CEP97: variants seen among roughly 807,000 people sequenced by gnomAD.
CEP97 encodes centrosomal protein of 97 kDa.
In CEP97, 43 loss-of-function variants were observed where a neutral mutation model predicts 73.1. The observed-to-expected ratio is 0.59, with a 90% CI of 0.46 to 0.76. CEP97 has a LOEUF of 0.76. Among genes scored for constraint, CEP97 ranks in the 30% least tolerant of loss-of-function variants. The probability of loss-of-function intolerance (pLI) is 0.00; values close to 1 mark genes in which losing one functional copy is unlikely to be tolerated. For synonymous variants in CEP97, 337 were observed against 370.0 expected (o/e 0.91, Z 1.02); for missense variants, 939 against 1,014.0 (o/e 0.93, Z 1.00).
At chr3:101,738,392 A>G (rs983678770) in intron 6 of CEP97, among the ~76,000 whole-genome samples, 1 of 152,228 alleles carries the variant, frequency 6.6e-6, no homozygotes, top group African/African-American at 2.4e-5. Context: ...CAGAATATAC[A>G]TTCTTTTCAA....
Position 101,766,372 on chromosome 3 carries a change from G to A in CEP97, c.*821G>A, listed in dbSNP as rs1560024104. The A allele has an allele frequency of 6.6e-6, 1 of 152,474 alleles. No homozygotes were observed. Among genetic ancestry groups the A allele is most frequent in the Non-Finnish European group, 1.5e-5 (1 of 68,006 alleles). The allele number at this position is 152,474 out of a possible 1,614,324, so 9.4% of individuals were successfully genotyped here. ...TTTCACCCTATAGGTAAGCATTTTT[G>A]TGCCAACATGTTGTCAGAAATTAAT... is the stretch of plus-strand genomic sequence containing the variant. On this transcript the variant is annotated 3_prime_UTR_variant, in exon 11 of 11. Transcript: ENST00000341893.
intron 6 of CEP97, among the ~76,000 whole-genome samples, chr3:101,752,540 C>T (rs1049436308): frequency 6.6e-6 from 1 of 152,176 alleles, no homozygotes; most frequent in Non-Finnish European, 1.5e-5. Flanking sequence ...ACTAATCAGA[C>T]CTAGATTTGG....
At chr3:101,748,951 T>C (rs182435589) in intron 6 of CEP97, among the ~76,000 whole-genome samples, 1 of 152,298 alleles carries the variant, frequency 6.6e-6, no homozygotes, top group African/African-American at 2.4e-5. Flanking sequence ...ATGGAAGGAA[T>C]ACTTCTAATT....
chr3:101,745,027 G>A (rs1938571550), intron 6 of CEP97, among the ~76,000 whole-genome samples: 1 of 152,154 alleles, frequency 6.6e-6, no homozygotes, highest in African/African-American at 2.4e-5. Flanking sequence ...TGGTGCTTTG[G>A]CTGAGCCATT....
In CEP97 at chr3:101,769,488, G is replaced by A. The variant is rs1197752333; in HGVS notation, c.*3937G>A. The A allele has an allele frequency of 6.6e-6, 1 of 151,934 alleles. No homozygotes were observed. Among genetic ancestry groups the A allele is most frequent in the East Asian group, 1.9e-4 (1 of 5,168 alleles). The allele number at this position is 151,934 out of a possible 1,614,324, so 9.4% of individuals were successfully genotyped here. On this transcript the variant is annotated 3_prime_UTR_variant, in exon 11 of 11. Transcript: ENST00000341893. Reference sequence around the variant, plus strand: ...ACCACAAGGCTCGGCTAATTTTTTTGTATTTTTAGTAGAGATGGGGTTTCA... The same window carrying A: ...ACCACAAGGCTCGGCTAATTTTTTTATATTTTTAGTAGAGATGGGGTTTCA...
chr3:101,738,011 C>CAAAAAAAAAAAAAAAAAA (rs770745532), intron 6 of CEP97, among the ~76,000 whole-genome samples: 17 of 44,216 alleles, frequency 3.8e-4, no homozygotes, highest in South Asian at 1.2e-3. Context: ...AAATGGAAAG[C>CAAAAAAAAAAAAAAAAAA]AAAAAAAAAA....
At chr3:101,746,217 T>C (rs796140717) in intron 6 of CEP97, among the ~76,000 whole-genome samples, 1 of 136,572 alleles carries the variant, frequency 7.3e-6, no homozygotes, top group Non-Finnish European at 1.6e-5. Context: ...AATAAACATA[T>C]GTGTGCATGT....
intron 9 of CEP97, 200 bp downstream of exon 9, chr3:101,758,623 C>T (rs1939087979): frequency 1.7e-6 from 1 of 600,168 alleles, no homozygotes; most frequent in Non-Finnish European, 2.9e-6. Flanking sequence ...TCTCCATCCC[C>T]AGCAAAGCAC....
At chr3:101,760,165 G>A (rs1313603473) in intron 9 of CEP97, among the ~76,000 whole-genome samples, 1 of 152,104 alleles carries the variant, frequency 6.6e-6, no homozygotes, top group African/African-American at 2.4e-5. Context: ...TTGATGGTGG[G>A]AGATGGGAAA....
At position 101,769,007 on chromosome 3, in the gene CEP97, G is replaced by A. The variant is rs1053482806; in HGVS notation, c.*3456G>A. 3.9e-5 allele frequency: 6 copies of A among 152,158 alleles called. No homozygotes were observed. The highest frequency in any genetic ancestry group is 1.4e-4 in the African/African-American group (6 of 41,438). 9.4% of individuals were successfully genotyped at this position (152,158 alleles called of 1,614,324 possible). On this transcript the variant is annotated 3_prime_UTR_variant, in exon 11 of 11. Transcript: ENST00000341893. Reference sequence around the variant, plus strand: ...GTAAATAACTTTATTCTGGAATAATGTGGGTGCCATCTTGAGCGTGTGTTT... The same window carrying A: ...GTAAATAACTTTATTCTGGAATAATATGGGTGCCATCTTGAGCGTGTGTTT...
In CEP97 at chr3:101,762,466, G is replaced by T; in HGVS notation, c.1818-19G>T. 6.6e-7 allele frequency: 1 copy of T among 1,522,322 alleles called. No homozygotes were observed. Among genetic ancestry groups the T allele is most frequent in the Non-Finnish European group, 9.1e-7 (1 of 1,102,160 alleles). The allele number at this position is 1,522,322 out of a possible 1,614,324, so 94.3% of individuals were successfully genotyped here. ...AAGCACCCTTCCTTATGTCAATAAT[G>T]TGTTTTGAATTATTGTAGATTACGA... On this transcript the variant is annotated intron_variant, in intron 9 of 10. Coordinates refer to ENST00000341893, the MANE Select transcript of CEP97 (RefSeq NM_024548.4).
intron 7 of CEP97, among the ~76,000 whole-genome samples, chr3:101,756,660 G>A (rs1005815767): frequency 6.6e-6 from 1 of 152,064 alleles, no homozygotes; most frequent in African/African-American, 2.4e-5. Flanking sequence ...TTACAGGTGC[G>A]CGACACCGTG....
rs917628546 is a variant in CEP97, at chr3:101,767,682, G to A, written c.*2131G>A. On this transcript the variant is annotated 3_prime_UTR_variant, in exon 11 of 11. Transcript: ENST00000341893. ...GCCTTGTTTCTTTAGCCCACAAATA[G>A]TACTCAGCATACTTTCATTAAAAAT... 7 of 152,072 alleles carry A rather than the reference G, an allele frequency of 4.6e-5. No homozygotes were observed. Among genetic ancestry groups the A allele is most frequent in the African/African-American group, 1.7e-4 (7 of 41,410 alleles). 9.4% of individuals were successfully genotyped at this position (152,072 alleles called of 1,614,324 possible).
chr3:101,731,249 C>T (rs760886456), intron 4 of CEP97, among the ~76,000 whole-genome samples: 2 of 145,618 alleles, frequency 1.4e-5, no homozygotes, highest in Non-Finnish European at 3.0e-5. Context: ...CACCCAGGCT[C>T]GAGTGCAGTG....
intron 7 of CEP97, among the ~76,000 whole-genome samples, chr3:101,756,032 A>T (rs745354161): frequency 1.3e-5 from 2 of 151,182 alleles, no homozygotes; most frequent in Non-Finnish European, 2.9e-5. Flanking sequence ...TACACCAGGA[A>T]ACGGGATAGG....
Position 101,732,571 on chromosome 3 carries a change from A to C in CEP97, c.645A>C (p.Pro215=). 6.2e-7 allele frequency: 1 copy of C among 1,614,118 alleles called. No homozygotes were observed. Among genetic ancestry groups the C allele is most frequent in the Admixed American group, 1.7e-5 (1 of 60,028 alleles). Reference sequence around the variant, plus strand: ...GTGTGATGGCAACACCATCCATCCCAGGATTTGACTATCGGCCGTACATCG... The same window carrying C: ...GTGTGATGGCAACACCATCCATCCCCGGATTTGACTATCGGCCGTACATCG... ...NPCVMATPSI[P]GFDYRPYIVS... The change falls in exon 6 of 11, where the codon CCA becomes CCC. Residue 215 remains proline, a synonymous_variant. Transcript: ENST00000341893.
chr3:101,724,815 G>T, intron 1 of CEP97, 96 bp downstream of exon 1: 2 of 1,311,284 alleles, frequency 1.5e-6, no homozygotes, highest in South Asian at 2.4e-5. Flanking sequence ...TGCAGTTCTG[G>T]ACCAGTTCTT....
At chr3:101,740,087 C>T (rs1938402380) in intron 6 of CEP97, among the ~76,000 whole-genome samples, 1 of 152,130 alleles carries the variant, frequency 6.6e-6, no homozygotes, top group Admixed American at 6.5e-5. Flanking sequence ...CCCTCTCTTA[C>T]CACTCCTATT....
intron 6 of CEP97, among the ~76,000 whole-genome samples, chr3:101,753,613 G>A (rs948983365): frequency 4.6e-5 from 7 of 152,208 alleles, no homozygotes; most frequent in African/African-American, 1.2e-4. Flanking sequence ...AATGGCGGGC[G>A]CCCCTCCCCC....
Sources: allele counts gnomAD v4.1 joint callset (sites outside exome capture counted in the v4.1 genomes callset), GRCh38; gene constraint gnomAD v4.1.1; transcripts MANE v1.5; gene names NCBI Gene and HGNC (gene_info 2026-07-23, HGNC 2026-07-21).